The following ARHGEF26 variants were observed in gnomAD, a reference collection of about 807,000 sequenced individuals.
ARHGEF26 encodes the protein Rho guanine nucleotide exchange factor (GEF) 26.
ARHGEF26 carries 59 observed loss-of-function variants against 89.4 expected under a neutral mutation model. The ratio of observed to expected loss-of-function variants is 0.66; its 90% CI spans 0.54 to 0.82. ARHGEF26 has a LOEUF of 0.82. Among genes scored for constraint, ARHGEF26 ranks in the 40% least tolerant of loss-of-function variants. The pLI, the probability that ARHGEF26 is intolerant of heterozygous loss-of-function variation, is 0.00. For synonymous variants in ARHGEF26, 500 were observed against 428.4 expected (o/e 1.17, Z -2.06); for missense variants, 1,234 against 1,085.6 (o/e 1.14, Z -1.92).
At chr3:154,179,874 G>A (rs898324412) in intron 6 of ARHGEF26, among the ~76,000 whole-genome samples, 1 of 152,192 alleles carries the variant, frequency 6.6e-6, no homozygotes, top group Non-Finnish European at 1.5e-5. Context: ...AAACTTAGTG[G>A]TTTAAAACAA....
intron 3 of ARHGEF26, among the ~76,000 whole-genome samples, chr3:154,125,867 T>TAGA (rs1718299179): frequency 6.6e-6 from 1 of 152,116 alleles, no homozygotes; most frequent in Non-Finnish European, 1.5e-5. Flanking sequence ...AGAAGCAGTG[T>TAGA]GTCTAAATGG....
chr3:154,246,262 G>A (rs1258944665), intron 12 of ARHGEF26, among the ~76,000 whole-genome samples: 4 of 152,138 alleles, frequency 2.6e-5, no homozygotes, highest in African/African-American at 9.7e-5. Flanking sequence ...GGAACAGCAG[G>A]TGCAAAACCT....
chr3:154,202,855 T>C (rs1369696506), intron 9 of ARHGEF26, among the ~76,000 whole-genome samples: 2 of 151,880 alleles, frequency 1.3e-5, no homozygotes, highest in Non-Finnish European at 2.9e-5. Context: ...TTTTGTATCC[T>C]GAGACTTCGC....
chr3:154,127,335 C>T (rs2108041934), intron 3 of ARHGEF26, among the ~76,000 whole-genome samples: 1 of 152,268 alleles, frequency 6.6e-6, no homozygotes, highest in African/African-American at 2.4e-5. Context: ...TGTTTTATTT[C>T]TTCACATACC....
intron 13 of ARHGEF26, among the ~76,000 whole-genome samples, chr3:154,253,943 G>T (rs1182784947): frequency 1.3e-5 from 2 of 151,922 alleles, no homozygotes; most frequent in South Asian, 2.1e-4. Context: ...TCAGCATTTT[G>T]TTTGTTTGTT....
At chr3:154,203,366 T>C (rs2108216140) in intron 9 of ARHGEF26, among the ~76,000 whole-genome samples, 1 of 152,152 alleles carries the variant, frequency 6.6e-6, no homozygotes, top group South Asian at 2.1e-4. Flanking sequence ...TCATGGTGGA[T>C]AAGCTTTTTG....
chr3:154,161,274 C>T lies in ARHGEF26; in HGVS notation c.1487+8342C>T, dbSNP rs151243734. ...CATCATTATTAGGTTTTGCAGGAAACAATAAGTTGAGTATTACAGCAGAAA... is the reference window on the plus strand; with the variant it reads ...CATCATTATTAGGTTTTGCAGGAAATAATAAGTTGAGTATTACAGCAGAAA... On this transcript the variant is annotated intron_variant, in intron 6 of 14. Transcript: ENST00000465093. 3.8e-4 allele frequency among the ~76,000 whole-genome samples: 49 copies of T among 130,052 alleles called. No individual in the cohort carries two copies. In the East Asian group the frequency reaches 0.011, roughly 30 times the overall value. 85.3% of individuals were successfully genotyped at this position (130,052 alleles called of 152,430 possible).
intron 10 of ARHGEF26, among the ~76,000 whole-genome samples, chr3:154,224,751 G>A (rs1716368948): frequency 6.6e-6 from 1 of 152,102 alleles, no homozygotes; most frequent in Non-Finnish European, 1.5e-5. Flanking sequence ...AAAGTTTGGG[G>A]TTAGCCATAA....
rs1316543833 is a variant in ARHGEF26 at position 154,192,354 on chromosome 3, TAA to T, written c.1770+939_1770+940del. ...ACATTCTGTATCCCATTGTAAATTCTAAAATACATTCTTTAAAAATGCTGAAA... is the reference window on the plus strand; with the variant it reads ...ACATTCTGTATCCCATTGTAAATTCTAATACATTCTTTAAAAATGCTGAAA... On this transcript the variant is annotated intron_variant, in intron 8 of 14. Coordinates refer to ENST00000465093, the MANE Select transcript of ARHGEF26 (RefSeq NM_015595.4). 3.3e-5 allele frequency among the ~76,000 whole-genome samples: 5 copies of T among 152,368 alleles called. No homozygotes were observed. In the East Asian group the frequency reaches 5.8e-4, roughly 18 times the overall value.
intron 3 of ARHGEF26, among the ~76,000 whole-genome samples, chr3:154,129,356 C>T (rs1718533886): frequency 6.6e-6 from 1 of 152,190 alleles, no homozygotes. Flanking sequence ...TTGGCATTCT[C>T]TGTATGGGCT....
At chr3:154,164,377 A>G (rs1711864385) in intron 6 of ARHGEF26, among the ~76,000 whole-genome samples, 1 of 152,004 alleles carries the variant, frequency 6.6e-6, no homozygotes, top group African/African-American at 2.4e-5. Context: ...CTTGTTTTTT[A>G]ATTTTAAAAA....
intron 4 of ARHGEF26, 94 bp downstream of exon 4, chr3:154,129,813 T>C: frequency 6.6e-6 from 9 of 1,361,102 alleles, no homozygotes; most frequent in Non-Finnish European, 9.0e-6. Flanking sequence ...CTGCCAGTGA[T>C]CCTGTAACTA....
intron 6 of ARHGEF26, among the ~76,000 whole-genome samples, chr3:154,185,324 C>T (rs971945731): frequency 8.5e-5 from 13 of 152,104 alleles, no homozygotes; most frequent in African/African-American, 9.7e-5. Context: ...TCATTTAAGA[C>T]GGCAGATGCA....
rs768331532 is a variant in ARHGEF26 at position 154,255,500 on chromosome 3, A to G, written c.*27A>G. 6.2e-7 allele frequency: 1 copy of G among 1,603,864 alleles called. No individual in the cohort carries two copies. Among genetic ancestry groups the G allele is most frequent in the African/African-American group, 1.3e-5 (1 of 74,728 alleles). ...CTCTCAGATGGTCTTTTGTTACTGC[A>G]AGATTTGCACGACACTTACCGGGCT... is the stretch of plus-strand genomic sequence containing the variant. On this transcript the variant is annotated 3_prime_UTR_variant, in exon 15 of 15. Coordinates refer to ENST00000465093, the MANE Select transcript of ARHGEF26 (RefSeq NM_015595.4).
chr3:154,137,754 A>C lies in ARHGEF26; in HGVS notation c.1269+8035A>C, dbSNP rs539604096. Among the ~76,000 whole-genome samples the C allele has an allele frequency of 7.3e-5, 11 of 151,140 alleles. 1 individual carries two copies. In the South Asian group the frequency reaches 2.3e-3, roughly 32 times the overall value. On this transcript the variant is annotated intron_variant, in intron 4 of 14. Coordinates refer to ENST00000465093, the MANE Select transcript of ARHGEF26 (RefSeq NM_015595.4). ...AACTTTGGAAGGCTGAGGCAGGAGG[A>C]TCTCTTGAGCCCAGGAGTTTGAGAC...
At chr3:154,214,850 T>C (rs1477288465) in intron 9 of ARHGEF26, among the ~76,000 whole-genome samples, 1 of 152,206 alleles carries the variant, frequency 6.6e-6, no homozygotes, top group Non-Finnish European at 1.5e-5. Context: ...CTCTTAGCTT[T>C]GATCAGATAT....
intron 6 of ARHGEF26, among the ~76,000 whole-genome samples, chr3:154,187,431 A>G (rs1364284095): frequency 6.7e-6 from 1 of 149,598 alleles, no homozygotes; most frequent in East Asian, 1.9e-4. Flanking sequence ...CCTGGCCTCA[A>G]GTGATCTTCC....
intron 6 of ARHGEF26, among the ~76,000 whole-genome samples, chr3:154,157,127 T>C (rs1720383562): frequency 6.6e-6 from 1 of 152,042 alleles, no homozygotes; most frequent in South Asian, 2.1e-4. Flanking sequence ...TGTGTACGTA[T>C]GTATCAGTAG....
At position 154,256,684 on chromosome 3, in the gene ARHGEF26, A is replaced by G; in HGVS notation, c.*1211A>G. On this transcript the variant is annotated 3_prime_UTR_variant, in exon 15 of 15. Coordinates refer to ENST00000465093, the MANE Select transcript of ARHGEF26 (RefSeq NM_015595.4). ...TCCAAATAGAAATTAGCTGGAACAC[A>G]CTACAGTAATCTCAAGGAAGGGAAA... 1 of 1,278,150 alleles carries G rather than the reference A, an allele frequency of 7.8e-7. No homozygotes were observed. The highest frequency in any genetic ancestry group is 9.8e-7 in the Non-Finnish European group (1 of 1,016,398). 79.2% of individuals were successfully genotyped at this position (1,278,150 alleles called of 1,614,324 possible).
Sources: gnomAD v4.1 joint callset for allele counts (sites outside exome capture counted in the v4.1 genomes callset) on GRCh38, gnomAD v4.1.1 for gene constraint, MANE v1.5 for transcripts, NCBI Gene and HGNC (gene_info 2026-07-23, HGNC 2026-07-21) for gene names.